The following RFX3 variants were observed in gnomAD, a reference collection of about 807,000 sequenced individuals.
RFX3 encodes transcription factor RFX3.
A neutral mutation model predicts 98.6 loss-of-function variants in RFX3; 14 were observed. The observed-to-expected ratio is 0.14, with a 90% confidence interval of 0.09 to 0.22. RFX3 has a LOEUF of 0.22. Among genes scored for constraint, RFX3 ranks in the 10% least tolerant of loss-of-function variants. The probability of loss-of-function intolerance (pLI) is 1.00; values close to 1 mark genes in which losing one functional copy is unlikely to be tolerated. For missense variants in RFX3, 639 were observed against 926.9 expected (o/e 0.69, Z 4.03); for synonymous variants, 383 against 328.4 (o/e 1.17, Z -1.80).
chr9:3,292,100 A>AAAAAAAAAAAAAAAC (rs1827457239), intron 6 of RFX3, among the ~76,000 whole-genome samples: 4 of 120,216 alleles, frequency 3.3e-5, no homozygotes, highest in African/African-American at 1.2e-4. Flanking sequence ...AAAAAAAAAA[A>AAAAAAAAAAAAAAAC]CTCTTTACGA....
intron 2 of RFX3, among the ~76,000 whole-genome samples, chr9:3,360,192 A>C (rs1159540483): frequency 2.0e-5 from 3 of 152,150 alleles, no homozygotes; most frequent in Non-Finnish European, 2.9e-5. Flanking sequence ...AATCATCTCA[A>C]TTTCATTGCC....
At chr9:3,446,747 G>GA (rs1846089755) in intron 1 of RFX3, among the ~76,000 whole-genome samples, 2 of 151,994 alleles carry the variant, frequency 1.3e-5, no homozygotes, top group Admixed American at 1.3e-4. Context: ...ATAAATTGGA[G>GA]TAACGTATGG....
At chr9:3,367,591 C>G (rs575755898) in intron 2 of RFX3, among the ~76,000 whole-genome samples, 75 of 152,300 alleles carry the variant, frequency 4.9e-4, no homozygotes, top group African/African-American at 1.7e-3. Flanking sequence ...CTAATCCAGA[C>G]AGAGTCCAAA....
intron 14 of RFX3, among the ~76,000 whole-genome samples, chr9:3,248,723 T>A (rs1821002023): frequency 6.6e-6 from 1 of 152,160 alleles, no homozygotes; most frequent in Admixed American, 6.5e-5. Flanking sequence ...TTCCAGCAAG[T>A]TTCCTTGGAA....
intron 1 of RFX3, among the ~76,000 whole-genome samples, chr9:3,472,845 T>C (rs964758317): frequency 3.3e-5 from 5 of 152,176 alleles, no homozygotes; most frequent in African/African-American, 7.2e-5. Flanking sequence ...TCCTATGCAA[T>C]AGTTATTTTC....
At chr9:3,446,865 G>C (rs1457306550) in intron 1 of RFX3, among the ~76,000 whole-genome samples, 1 of 152,008 alleles carries the variant, frequency 6.6e-6, no homozygotes, top group East Asian at 1.9e-4. Context: ...TTAAAATCAG[G>C]CTAGAACTAA....
At chr9:3,287,849 T>C (rs1011646742) in intron 7 of RFX3, among the ~76,000 whole-genome samples, 5 of 151,996 alleles carry the variant, frequency 3.3e-5, no homozygotes, top group Non-Finnish European at 7.4e-5. Context: ...TGGTATTTGC[T>C]TGGGTATGCT....
intron 1 of RFX3, among the ~76,000 whole-genome samples, chr9:3,415,240 G>A (rs1025235095): frequency 1.4e-5 from 2 of 142,974 alleles, no homozygotes; most frequent in East Asian, 2.0e-4. Context: ...TAAGAGTTGG[G>A]ATCTTGCTCT....
chr9:3,260,743 G>A (rs1822766890), intron 13 of RFX3, among the ~76,000 whole-genome samples: 1 of 151,380 alleles, frequency 6.6e-6, no homozygotes, highest in African/African-American at 2.4e-5. Flanking sequence ...AAATGGTTTT[G>A]TAAAGCTGAG....
intron 1 of RFX3, among the ~76,000 whole-genome samples, chr9:3,398,718 T>C (rs915545281): frequency 2.6e-5 from 4 of 152,108 alleles, no homozygotes; most frequent in African/African-American, 9.7e-5. Context: ...TCTAACTTGT[T>C]TGCACATACA....
intron 7 of RFX3, among the ~76,000 whole-genome samples, chr9:3,282,961 G>A (rs1414621688): frequency 6.6e-6 from 1 of 151,696 alleles, no homozygotes; most frequent in Non-Finnish European, 1.5e-5. Flanking sequence ...TATTTTAAAT[G>A]TTCCACAAAT....
At chr9:3,409,855 C>T (rs772236382) in intron 1 of RFX3, among the ~76,000 whole-genome samples, 1 of 151,736 alleles carries the variant, frequency 6.6e-6, no homozygotes, top group Non-Finnish European at 1.5e-5. Flanking sequence ...CACAGAGAAA[C>T]TGAGAAAAAT....
intron 2 of RFX3, among the ~76,000 whole-genome samples, chr9:3,363,869 A>G (rs1836751866): frequency 6.6e-6 from 1 of 152,134 alleles, no homozygotes; most frequent in African/African-American, 2.4e-5. Flanking sequence ...ATCATATACT[A>G]AAAACTTAAC....
rs1006453784 is a variant in RFX3, at chr9:3,334,622, C to T, written c.216-4105G>A. 2.6e-5 allele frequency among the ~76,000 whole-genome samples: 4 copies of T among 152,136 alleles called. No homozygotes were observed. In the East Asian group the frequency reaches 5.8e-4, roughly 22 times the overall value. On this transcript the variant is annotated intron_variant, in intron 3 of 16. Coordinates refer to ENST00000617270, the MANE Select transcript of RFX3 (RefSeq NM_001282116.2). ...CCATAAACTATCCCCATCACTCCATCGTGCGACTGTGGAGAAGCCTTGGCT... is the reference window on the plus strand; with the variant it reads ...CCATAAACTATCCCCATCACTCCATTGTGCGACTGTGGAGAAGCCTTGGCT...
At chr9:3,403,883 A>C (rs570876426) in intron 1 of RFX3, among the ~76,000 whole-genome samples, 1 of 152,088 alleles carries the variant, frequency 6.6e-6, no homozygotes, top group Non-Finnish European at 1.5e-5. Context: ...AGAAATTCTT[A>C]ATTTTCTTCA....
At chr9:3,475,783 G>A (rs1050642554) in intron 1 of RFX3, among the ~76,000 whole-genome samples, 5 of 152,190 alleles carry the variant, frequency 3.3e-5, no homozygotes, top group African/African-American at 1.2e-4. Context: ...ATAACTGTGG[G>A]CAGGCTTGAC....
intron 2 of RFX3, among the ~76,000 whole-genome samples, chr9:3,393,855 T>C (rs1840570815): frequency 6.6e-6 from 1 of 152,176 alleles, no homozygotes; most frequent in Non-Finnish European, 1.5e-5. Flanking sequence ...GGGATAAGTG[T>C]TGAAAAATTA....
intron 1 of RFX3, among the ~76,000 whole-genome samples, chr9:3,510,404 T>C (rs528495609): frequency 2.0e-5 from 3 of 152,036 alleles, no homozygotes; most frequent in Non-Finnish European, 2.9e-5. Context: ...AATTACAGCA[T>C]TAAGTTATTG....
chr9:3,525,532 C>A (rs891051670), intron 1 of RFX3, among the ~76,000 whole-genome samples: 2 of 151,866 alleles, frequency 1.3e-5, no homozygotes, highest in Non-Finnish European at 2.9e-5. Context: ...GCGCCCACAC[C>A]CCCGACCCAG....
Sources: gnomAD v4.1 joint callset for allele counts (sites outside exome capture counted in the v4.1 genomes callset) on GRCh38, gnomAD v4.1.1 for gene constraint, MANE v1.5 for transcripts, NCBI Gene and HGNC (gene_info 2026-07-23, HGNC 2026-07-21) for gene names.